Variants in MAP7 observed in about 807,000 individuals in gnomAD.
MAP7 encodes the protein microtubule associated protein 7.
In MAP7, 52 loss-of-function variants were observed where a neutral mutation model predicts 94.8. That is an observed-to-expected ratio of 0.55 (90% CI 0.44 to 0.69). MAP7 has a LOEUF of 0.69. MAP7 is among the 30% of genes least tolerant of loss of function. The probability of loss-of-function intolerance (pLI) is 0.00; values close to 1 mark genes in which losing one functional copy is unlikely to be tolerated. For synonymous variants in MAP7, 350 were observed against 357.0 expected, an observed-to-expected ratio of 0.98 and a Z score of 0.22; for missense variants, 940 against 964.6, an observed-to-expected ratio of 0.97 and a Z score of 0.34.
At position 136,342,902 on chromosome 6, in the gene MAP7, C is replaced by G. The variant is rs1786832927; in HGVS notation, c.*1326G>C. 6.6e-6 allele frequency: 1 copy of G among 151,520 alleles called. No homozygotes were observed. The highest frequency in any genetic ancestry group is 1.5e-5 in the Non-Finnish European group (1 of 68,032). The allele number at this position is 151,520 out of a possible 1,614,324, so 9.4% of individuals were successfully genotyped here. On this transcript the variant is annotated 3_prime_UTR_variant, in exon 18 of 18. Coordinates refer to ENST00000354570, the MANE Select transcript of MAP7 (RefSeq NM_003980.6). ...TGTTTTCACAAATTACAAGCCATTA[C>G]TAAAGACCATATGCCTGGATTAAAA...
Position 136,422,822 on chromosome 6 carries a change from C to A in MAP7, c.68-1023G>T, listed in dbSNP as rs567565039. On this transcript the variant is annotated intron_variant, in intron 1 of 17. Coordinates refer to ENST00000354570, the MANE Select transcript of MAP7 (RefSeq NM_003980.6). ...TGGATGTATTTCTAAAGTTTTCAGG[C>A]CATCTCTCTGCTTTCATATCAGTCT... 2.2e-3 allele frequency among the ~76,000 whole-genome samples: 341 copies of A among 152,260 alleles called. 1 individual carries two copies. Among genetic ancestry groups the A allele is most frequent in the African/African-American group, 7.7e-3 (319 of 41,544 alleles).
At chr6:136,534,407 A>G (rs117049530) in intron 1 of MAP7, among the ~76,000 whole-genome samples, 5,604 of 152,332 alleles carry the variant, frequency 0.037, 141 homozygotes, top group Non-Finnish European at 0.057. Context: ...CTTAAAGTCA[A>G]CTGATTGTAA....
At chr6:136,405,637 C>A (rs1363040689) in intron 3 of MAP7, among the ~76,000 whole-genome samples, 1 of 152,184 alleles carries the variant, frequency 6.6e-6, no homozygotes, top group African/African-American at 2.4e-5. Context: ...CAGAGGCAGG[C>A]CTGGCAGGCC....
chr6:136,541,745 T>C (rs1392199903), intron 1 of MAP7, among the ~76,000 whole-genome samples: 2 of 152,176 alleles, frequency 1.3e-5, no homozygotes, highest in Non-Finnish European at 2.9e-5. Flanking sequence ...TCAAATACTA[T>C]ATATTACTCT....
intron 1 of MAP7, among the ~76,000 whole-genome samples, chr6:136,455,548 G>T (rs1802628961): frequency 6.6e-6 from 1 of 152,132 alleles, no homozygotes; most frequent in African/African-American, 2.4e-5. Context: ...TCCAGGATAT[G>T]TCCCAAAACA....
At chr6:136,400,497 T>C (rs1582799710) in intron 3 of MAP7, among the ~76,000 whole-genome samples, 1 of 151,248 alleles carries the variant, frequency 6.6e-6, no homozygotes, top group African/African-American at 2.4e-5. Context: ...ATTAAGACTT[T>C]TAGAATGGGT....
chr6:136,405,488 G>A (rs1158773583), intron 3 of MAP7, among the ~76,000 whole-genome samples: 1 of 152,216 alleles, frequency 6.6e-6, no homozygotes, highest in Non-Finnish European at 1.5e-5. Context: ...TTTGGCTGTA[G>A]TGTTTAAGAA....
At chr6:136,410,471 C>T (rs1263386973) in intron 3 of MAP7, among the ~76,000 whole-genome samples, 1 of 152,180 alleles carries the variant, frequency 6.6e-6, no homozygotes, top group Non-Finnish European at 1.5e-5. Context: ...CCCTGGTGAC[C>T]ACAGACAGCC....
At chr6:136,525,868 C>T (rs1472223068) in intron 1 of MAP7, 3 of 1,535,372 alleles carry the variant, frequency 2.0e-6, no homozygotes, top group South Asian at 2.4e-5. Context: ...TTTTGCTGTT[C>T]GTCTTCCTCA....
intron 2 of MAP7, among the ~76,000 whole-genome samples, chr6:136,415,204 C>G (rs1328629980): frequency 6.6e-6 from 1 of 152,226 alleles, no homozygotes; most frequent in African/African-American, 2.4e-5. Context: ...CTGCCTCAGC[C>G]TCCCACAGTG....
At chr6:136,440,494 G>A (rs1481296554) in intron 1 of MAP7, among the ~76,000 whole-genome samples, 1 of 152,054 alleles carries the variant, frequency 6.6e-6, no homozygotes, top group Non-Finnish European at 1.5e-5. Flanking sequence ...AAAAAGAACA[G>A]GATATGCATC....
chr6:136,474,718 A>T (rs1291004232), intron 1 of MAP7, among the ~76,000 whole-genome samples: 1 of 100,748 alleles, frequency 9.9e-6, no homozygotes. Context: ...TGTCAATCTA[A>T]AACTTTTTTT....
At chr6:136,398,636 T>C (rs1013905273) in intron 3 of MAP7, among the ~76,000 whole-genome samples, 4 of 152,212 alleles carry the variant, frequency 2.6e-5, no homozygotes, top group Non-Finnish European at 5.9e-5. Context: ...GTTTCCACTT[T>C]TTCATCTTCC....
chr6:136,490,691 A>T (rs1400081539), intron 1 of MAP7, among the ~76,000 whole-genome samples: 1 of 152,180 alleles, frequency 6.6e-6, no homozygotes, highest in East Asian at 1.9e-4. Flanking sequence ...TGTGAGTCTG[A>T]ATTCATCCTT....
intron 1 of MAP7, among the ~76,000 whole-genome samples, chr6:136,516,236 C>A (rs1824784801): frequency 6.6e-6 from 1 of 152,036 alleles, no homozygotes; most frequent in Non-Finnish European, 1.5e-5. Flanking sequence ...TCATGGCTCA[C>A]TGCAGCCTCG....
intron 1 of MAP7, among the ~76,000 whole-genome samples, chr6:136,453,668 C>T (rs183151571): frequency 4.3e-4 from 65 of 152,226 alleles, no homozygotes; most frequent in African/African-American, 1.5e-3. Context: ...CTTATTTTTA[C>T]CATTAGGATT....
intron 15 of MAP7, among the ~76,000 whole-genome samples, chr6:136,358,201 T>C (rs1316457788): frequency 6.6e-6 from 1 of 152,156 alleles, no homozygotes; most frequent in East Asian, 1.9e-4. Context: ...CTTGGATTGA[T>C]TTATAAAGAA....
chr6:136,528,314 T>C (rs1828180758), intron 1 of MAP7, among the ~76,000 whole-genome samples: 1 of 152,224 alleles, frequency 6.6e-6, no homozygotes, highest in Non-Finnish European at 1.5e-5. Context: ...AAACGTAACA[T>C]ACTTCCATAA....
intron 10 of MAP7, chr6:136,364,721 G>A (rs1014692064): frequency 6.1e-6 from 1 of 162,848 alleles, no homozygotes; most frequent in Non-Finnish European, 1.3e-5. Context: ...GCAGATAGAT[G>A]AGGACATTCA....
Sources: allele counts gnomAD v4.1 joint callset (sites outside exome capture counted in the v4.1 genomes callset), GRCh38; gene constraint gnomAD v4.1.1; transcripts MANE v1.5; gene names NCBI Gene and HGNC (gene_info 2026-07-23, HGNC 2026-07-21).